NIPSNAP2: variants seen among roughly 807,000 people sequenced by gnomAD.
NIPSNAP2 encodes nipsnap homolog 2.
Under a neutral mutation model 48.4 loss-of-function variants are expected in NIPSNAP2, and 42 were observed. The observed-to-expected ratio is 0.87, with a 90% CI of 0.68 to 1.12. NIPSNAP2 has a LOEUF of 1.12. NIPSNAP2 is among the 50% of genes most tolerant of loss of function. NIPSNAP2 has a pLI of 0.00. For synonymous variants in NIPSNAP2, 158 were observed against 126.6 expected, an observed-to-expected ratio of 1.25 and a Z score of -1.67; for missense variants, 314 against 347.3, an observed-to-expected ratio of 0.90 and a Z score of 0.76.
chr7:55,965,741 C>G (rs1011057310), intron 1 of NIPSNAP2, among the ~76,000 whole-genome samples: 1 of 152,040 alleles, frequency 6.6e-6, no homozygotes, highest in Non-Finnish European at 1.5e-5. Context: ...CCACCACACC[C>G]GGCTAATTTT....
At chr7:55,994,481 G>C (rs944341634) in intron 7 of NIPSNAP2, among the ~76,000 whole-genome samples, 2 of 152,178 alleles carry the variant, frequency 1.3e-5, no homozygotes, top group Admixed American at 6.6e-5. Flanking sequence ...GGGAGGCTGA[G>C]GCGGGCGGAT....
chr7:55,993,340 A>G (rs1412891752), intron 7 of NIPSNAP2, among the ~76,000 whole-genome samples: 2 of 151,608 alleles, frequency 1.3e-5, no homozygotes, highest in Non-Finnish European at 2.9e-5. Context: ...CATGCCTGTA[A>G]TCCCAGCAGT....
At position 55,998,495 on chromosome 7, in the gene NIPSNAP2, T is replaced by TTG. The variant is rs1315426875; in HGVS notation, c.797-512_797-511insGT. Among the ~76,000 whole-genome samples the TTG allele has an allele frequency of 1.8e-3, 209 of 118,572 alleles. 1 individual carries two copies. Among genetic ancestry groups the TTG allele is most frequent in the Non-Finnish European group, 3.1e-3 (177 of 56,662 alleles). 77.8% of individuals were successfully genotyped at this position (118,572 alleles called of 152,430 possible). On this transcript the variant is annotated intron_variant, in intron 9 of 9. Transcript: ENST00000322090. The stretch of plus-strand genomic sequence containing the variant: ...AAACAAATATCCAGGTAGGATCTGT[T>TTG]TTTTTTTTTTTTTTTTTTTTTTTTG...
intron 1 of NIPSNAP2, among the ~76,000 whole-genome samples, chr7:55,967,977 G>C (rs908061728): frequency 6.6e-6 from 1 of 151,068 alleles, no homozygotes; most frequent in African/African-American, 2.4e-5. Context: ...TTGTAGAGAG[G>C]GGGGTCTTGC....
chr7:55,993,301 A>G (rs1185884298), intron 7 of NIPSNAP2, among the ~76,000 whole-genome samples: 1 of 151,832 alleles, frequency 6.6e-6, no homozygotes, highest in Admixed American at 6.6e-5. Context: ...TCTAAAAAAA[A>G]AAAAGGGCTG....
intron 1 of NIPSNAP2, among the ~76,000 whole-genome samples, chr7:55,975,593 T>C (rs954595747): frequency 2.6e-5 from 4 of 151,970 alleles, no homozygotes; most frequent in Non-Finnish European, 4.4e-5. Flanking sequence ...CTTCAAGGGG[T>C]GAAGAAGCTG....
intron 1 of NIPSNAP2, among the ~76,000 whole-genome samples, chr7:55,965,566 A>T (rs541001303): frequency 6.6e-6 from 1 of 151,934 alleles, no homozygotes; most frequent in South Asian, 2.1e-4. Flanking sequence ...TATTATTATT[A>T]TTATTGTTGT....
At chr7:55,998,502 T>TTTG (rs1316984955) in intron 9 of NIPSNAP2, among the ~76,000 whole-genome samples, 21 of 128,534 alleles carry the variant, frequency 1.6e-4, no homozygotes, top group African/African-American at 6.0e-4. Flanking sequence ...TGTTTTTTTT[T>TTTG]TTTTTTTTTT....
chr7:55,977,987 T>A (rs1787134842), intron 1 of NIPSNAP2, 139 bp from the exon 2 acceptor site: 6 of 877,408 alleles, frequency 6.8e-6, no homozygotes, highest in Non-Finnish European at 1.1e-5. Context: ...GTGCATGCTG[T>A]TGTCATGGAA....
chr7:55,980,400 A>G (rs1208179286), intron 3 of NIPSNAP2: 1 of 153,446 alleles, frequency 6.5e-6, no homozygotes, highest in Admixed American at 6.4e-5. Flanking sequence ...AGCACATGGT[A>G]CTTACATACC....
Position 55,999,614 on chromosome 7 carries a change from A to C in NIPSNAP2, c.*542A>C, listed in dbSNP as rs887187347. On this transcript the variant is annotated 3_prime_UTR_variant, in exon 10 of 10. Transcript: ENST00000322090. ...TCACTCTCATTTGTAAGCAGTCCAC[A>C]TAGTAGACAATGGGTTTTCCAAGCT... is the stretch of plus-strand genomic sequence containing the variant. 6.5e-6 allele frequency: 1 copy of C among 153,006 alleles called. No homozygotes were observed. The highest frequency in any genetic ancestry group is 2.4e-5 in the African/African-American group (1 of 41,466). The allele number at this position is 153,006 out of a possible 1,614,324, so 9.5% of individuals were successfully genotyped here. A position where few individuals can be genotyped will look rare whatever the true frequency, so the allele number is the denominator to read the frequency against.
intron 1 of NIPSNAP2, among the ~76,000 whole-genome samples, chr7:55,968,883 G>A (rs560808039): frequency 6.6e-6 from 1 of 151,736 alleles, no homozygotes; most frequent in Admixed American, 6.6e-5. Flanking sequence ...ACATTTAGCA[G>A]GGTAACTACA....
At chr7:55,984,780 T>G in intron 6 of NIPSNAP2, 67 bp from the exon 7 acceptor site, 1 of 1,261,596 alleles carries the variant, frequency 7.9e-7, no homozygotes, top group Non-Finnish European at 1.1e-6. Flanking sequence ...TTTCTACTGC[T>G]GTTTGCTATT....
intron 1 of NIPSNAP2, among the ~76,000 whole-genome samples, chr7:55,969,479 T>C (rs1214065679): frequency 6.6e-6 from 1 of 152,176 alleles, no homozygotes; most frequent in Non-Finnish European, 1.5e-5. Flanking sequence ...ACTCAACAGG[T>C]ACTTCGTTAG....
chr7:55,982,774 T>C (rs960544430), intron 5 of NIPSNAP2, among the ~76,000 whole-genome samples: 2 of 151,582 alleles, frequency 1.3e-5, no homozygotes, highest in Non-Finnish European at 2.9e-5. Context: ...AAAATTCTTA[T>C]TGTTCTTATT....
chr7:55,979,919 G>A (rs71543773), intron 3 of NIPSNAP2: 23,797 of 450,786 alleles, frequency 0.053, 1,027 homozygotes, highest in East Asian at 0.23. Context: ...CAGGTTTGGG[G>A]TCCCCAGCAA....
chr7:55,964,837 C>T (rs1168413851), intron 1 of NIPSNAP2, 136 bp downstream of exon 1: 3 of 276,954 alleles, frequency 1.1e-5, no homozygotes, highest in African/African-American at 2.3e-5. Flanking sequence ...GGCAGTGGGG[C>T]CGGAGCTGGG....
intron 2 of NIPSNAP2, 32 bp downstream of exon 2, chr7:55,978,297 AC>A: frequency 3.1e-6 from 5 of 1,612,806 alleles, no homozygotes; most frequent in Non-Finnish European, 4.2e-6. Context: ...TTCATAGTTG[AC>A]TTTTTTTCCC....
At chr7:55,992,984 TA>T (rs1787482338) in intron 7 of NIPSNAP2, among the ~76,000 whole-genome samples, 1 of 152,100 alleles carries the variant, frequency 6.6e-6, no homozygotes, top group Non-Finnish European at 1.5e-5. Flanking sequence ...ATTTTTTTTT[TA>T]AGTGGTGCAA....
Sources: allele counts gnomAD v4.1 joint callset (sites outside exome capture counted in the v4.1 genomes callset), GRCh38; gene constraint gnomAD v4.1.1; transcripts MANE v1.5; gene names NCBI Gene and HGNC (gene_info 2026-07-23, HGNC 2026-07-21).